The following TENT5C variants were observed in gnomAD, a reference collection of about 807,000 sequenced individuals.
TENT5C encodes the protein terminal nucleotidyltransferase 5C, also known as family with sequence similarity 46 member C.
In TENT5C, 5 loss-of-function variants were observed where a neutral mutation model predicts 22.2. The observed-to-expected ratio is 0.22, with a 90% confidence interval of 0.12 to 0.47. The LOEUF is 0.47. Ranked by LOEUF, TENT5C falls within the 20% of genes least tolerant of loss-of-function variation. TENT5C has a pLI of 0.99. For synonymous variants in TENT5C, 199 were observed against 195.4 expected, an observed-to-expected ratio of 1.02 and a Z score of -0.15; for missense variants, 364 against 500.9, an observed-to-expected ratio of 0.73 and a Z score of 2.61.
chr1:117,627,348 G>A lies in TENT5C; in HGVS notation c.*3304G>A, dbSNP rs544258999. On this transcript the variant is annotated 3_prime_UTR_variant, in exon 2 of 2. Coordinates refer to ENST00000369448, the MANE Select transcript of TENT5C (RefSeq NM_017709.4). ...CACTAACCCCTTACCCTTATGGTAC[G>A]TCAGGATTTTAACTAGTACTGCTTT... The A allele has an allele frequency of 2.0e-5, 5 of 248,114 alleles. No individual in the cohort carries two copies. The highest frequency in any genetic ancestry group is 4.4e-5 in the African/African-American group (2 of 45,448). The allele number at this position is 248,114 out of a possible 1,614,324, so 15.4% of individuals were successfully genotyped here. A position where few individuals can be genotyped will look rare whatever the true frequency, so the allele number is the denominator to read the frequency against.
At chr1:117,616,137 G>T (rs1052404792) in intron 1 of TENT5C, among the ~76,000 whole-genome samples, 1 of 152,050 alleles carries the variant, frequency 6.6e-6, no homozygotes, top group Admixed American at 6.5e-5. Context: ...GAGGACCTGG[G>T]GTCAATTCGC....
rs778842846 is a variant in TENT5C, at chr1:117,623,339, C to T, written c.471C>T (p.Leu157=). 6.2e-7 allele frequency: 1 copy of T among 1,614,196 alleles called. No individual in the cohort carries two copies. The highest frequency in any genetic ancestry group is 8.5e-7 in the Non-Finnish European group (1 of 1,180,038). Residue 157 remains leucine (L), a synonymous_variant, in exon 2 of 2, where the codon CTC becomes CTT. Coordinates refer to ENST00000369448, the MANE Select transcript of TENT5C (RefSeq NM_017709.4). ...TDTDRWSLIS[L]SNKNGKNVEL... ...CTGACCGCTGGAGCCTGATCTCCCT[C>T]TCCAACAAGAACGGGAAGAACGTGG...
At chr1:117,620,213 G>A (rs946037729) in intron 1 of TENT5C, among the ~76,000 whole-genome samples, 1 of 152,122 alleles carries the variant, frequency 6.6e-6, no homozygotes, top group East Asian at 1.9e-4. Flanking sequence ...CCTACATGAC[G>A]TCTTTTTGAA....
At chr1:117,613,808 T>A (rs1448111085) in intron 1 of TENT5C, among the ~76,000 whole-genome samples, 2 of 152,144 alleles carry the variant, frequency 1.3e-5, no homozygotes, top group Non-Finnish European at 2.9e-5. Flanking sequence ...AAAGACCAAC[T>A]GTGGGGTTTG....
intron 1 of TENT5C, among the ~76,000 whole-genome samples, chr1:117,622,132 C>T (rs1285743305): frequency 6.6e-6 from 1 of 152,154 alleles, no homozygotes; most frequent in Non-Finnish European, 1.5e-5. Context: ...TCATAAAAAC[C>T]ACTCCTTGGT....
In TENT5C at chr1:117,624,545, T is replaced by C. The variant is rs1379657570; in HGVS notation, c.*501T>C. On this transcript the variant is annotated 3_prime_UTR_variant, in exon 2 of 2. Transcript: ENST00000369448. ...CAGAAAATGGTAAACATGAGGGTGC[T>C]CTTGTGACTTAATTTTTGTTCAAGG... The C allele has an allele frequency of 2.0e-5, 5 of 249,496 alleles. No homozygotes were observed. Among genetic ancestry groups the C allele is most frequent in the Non-Finnish European group, 4.2e-5 (5 of 119,202 alleles). 15.5% of individuals were successfully genotyped at this position (249,496 alleles called of 1,614,324 possible). A position where few individuals can be genotyped will look rare whatever the true frequency, so the allele number is the denominator to read the frequency against.
rs1159571975 is a variant in TENT5C, at chr1:117,624,195, T to C, written c.*151T>C. ...TTTTTTTTTTTCCTTTGTGTACCCA[T>C]TGGAATGGGTCTACAGTGTATCATG... On this transcript the variant is annotated 3_prime_UTR_variant, in exon 2 of 2. Transcript: ENST00000369448. 7.4e-6 allele frequency: 5 copies of C among 678,358 alleles called. No individual in the cohort carries two copies. Among genetic ancestry groups the C allele is most frequent in the South Asian group, 2.0e-5 (1 of 49,644 alleles). 42.0% of individuals were successfully genotyped at this position (678,358 alleles called of 1,614,324 possible).
chr1:117,624,509 T>C lies in TENT5C; in HGVS notation c.*465T>C, dbSNP rs879194738. ...CTGATAATCTCTTCTCTTGTACCAATTTTAGTCAGGCAGAAAATGGTAAAC... is the reference window on the plus strand; with the variant it reads ...CTGATAATCTCTTCTCTTGTACCAACTTTAGTCAGGCAGAAAATGGTAAAC... On this transcript the variant is annotated 3_prime_UTR_variant, in exon 2 of 2. Transcript: ENST00000369448. The C allele has an allele frequency of 4.0e-6, 1 of 250,782 alleles. No homozygotes were observed. The highest frequency in any genetic ancestry group is 1.8e-4 in the South Asian group (1 of 5,604). 15.5% of individuals were successfully genotyped at this position (250,782 alleles called of 1,614,324 possible).
chr1:117,614,065 T>A (rs1314987212), intron 1 of TENT5C, among the ~76,000 whole-genome samples: 2 of 152,216 alleles, frequency 1.3e-5, no homozygotes, highest in Non-Finnish European at 2.9e-5. Flanking sequence ...CATGAAACAC[T>A]CGAGTGTCTG....
At position 117,623,623 on chromosome 1, in the gene TENT5C, T is replaced by C; in HGVS notation, c.755T>C (p.Val252Ala). 1 of 1,613,612 alleles carries C rather than the reference T, an allele frequency of 6.2e-7. No homozygotes were observed. The highest frequency in any genetic ancestry group is 1.1e-5 in the South Asian group (1 of 91,036). ...GGLLKYSNLL[V>A]RDFRPTDQEE... ...CTTCTCAAGTACAGCAACCTTCTTG[T>C]GCGGGACTTCAGGCCCACAGACCAG... Residue 252 changes from valine to alanine, a missense_variant, in exon 2 of 2, where the codon GTG becomes GCG. Around this residue, in one of 3 missense-constraint regions of TENT5C, gnomAD observed 303 missense variants for 394.5 expected, o/e 0.77. Coordinates refer to ENST00000369448, the MANE Select transcript of TENT5C (RefSeq NM_017709.4).
intron 1 of TENT5C, among the ~76,000 whole-genome samples, chr1:117,621,007 G>C (rs979890508): frequency 3.9e-5 from 6 of 152,162 alleles, no homozygotes; most frequent in African/African-American, 9.7e-5. Context: ...ATGGCAAAAA[G>C]AGAACTCTAC....
intron 1 of TENT5C, among the ~76,000 whole-genome samples, chr1:117,613,505 G>A (rs570421298): frequency 5.9e-5 from 9 of 152,178 alleles, no homozygotes; most frequent in African/African-American, 2.2e-4. Flanking sequence ...TGGAGTTGTC[G>A]TTGGTGGGTG....
chr1:117,623,989 C>T lies in TENT5C; in HGVS notation c.1121C>T (p.Ala374Val), dbSNP rs1345951307. The change falls in exon 2 of 2, where the codon GCC becomes GTC. Residue 374 changes from alanine to valine, a missense_variant. This residue lies in a region of TENT5C where 54 missense variants were observed against 76.5 expected (regional missense o/e 0.71). Transcript: ENST00000369448. ...SDGNFSNYYV[A>V]HPPVTYSQPY... is the part of the protein sequence containing the mutation. ...GGCAACTTCAGCAACTACTACGTTG[C>T]CCATCCTCCAGTCACCTACAGCCAG... 6.2e-7 allele frequency: 1 copy of T among 1,613,918 alleles called. No individual in the cohort carries two copies. Among genetic ancestry groups the T allele is most frequent in the African/African-American group, 1.3e-5 (1 of 74,970 alleles).
At position 117,623,999 on chromosome 1, in the gene TENT5C, A is replaced by C. The variant is rs373650278; in HGVS notation, c.1131A>C (p.Pro377=). The stretch of plus-strand genomic sequence containing the variant: ...GCAACTACTACGTTGCCCATCCTCC[A>C]GTCACCTACAGCCAGCCTTACCCTA... ...NFSNYYVAHP[P]VTYSQPYPTW... The change falls in exon 2 of 2, where the codon CCA becomes CCC. Residue 377 remains proline (P), a synonymous_variant. Transcript: ENST00000369448. 2.1e-5 allele frequency: 34 copies of C among 1,613,970 alleles called. No individual in the cohort carries two copies. The African/African-American group carries it at 4.4e-4, about 21-fold the overall frequency.
chr1:117,617,039 A>T (rs1044481101), intron 1 of TENT5C, among the ~76,000 whole-genome samples: 6 of 152,146 alleles, frequency 3.9e-5, no homozygotes, highest in Non-Finnish European at 8.8e-5. Context: ...GACCGAATTG[A>T]CTGTGTGCAA....
chr1:117,614,250 T>G (rs1480957634), intron 1 of TENT5C, among the ~76,000 whole-genome samples: 1 of 151,696 alleles, frequency 6.6e-6, no homozygotes, highest in African/African-American at 2.4e-5. Context: ...ATTCAAGGAG[T>G]AAGAGAGGAG....
At chr1:117,619,395 T>C (rs1653849709) in intron 1 of TENT5C, among the ~76,000 whole-genome samples, 3 of 152,196 alleles carry the variant, frequency 2.0e-5, no homozygotes, top group African/African-American at 7.2e-5. Context: ...GTAGTTTGTG[T>C]CCTTTGTGTC....
At chr1:117,615,585 C>T (rs1315294231) in intron 1 of TENT5C, among the ~76,000 whole-genome samples, 1 of 152,218 alleles carries the variant, frequency 6.6e-6, no homozygotes, top group Non-Finnish European at 1.5e-5. Flanking sequence ...TGTCCCCTGG[C>T]CATGGCTGTG....
intron 1 of TENT5C, among the ~76,000 whole-genome samples, chr1:117,613,408 G>C (rs1379925951): frequency 1.3e-5 from 2 of 152,202 alleles, no homozygotes; most frequent in African/African-American, 4.8e-5. Flanking sequence ...CTGTTTTGCG[G>C]CCACAGCATT....
Sources: allele counts gnomAD v4.1 joint callset (sites outside exome capture counted in the v4.1 genomes callset), GRCh38; gene constraint gnomAD v4.1.1; regional missense constraint gnomAD v4.1.1; transcripts MANE v1.5; gene names NCBI Gene and HGNC (gene_info 2026-07-23, HGNC 2026-07-21).